Variants in MSANTD5 observed in about 807,000 individuals in gnomAD.
MSANTD5 encodes the protein uncharacterized protein MSANTD5.
chr5:178,701,257 G>A (rs751331992), upstream of MSANTD5, among the ~76,000 whole-genome samples: 9 of 152,184 alleles, frequency 5.9e-5, no homozygotes, highest in African/African-American at 9.6e-5. Flanking sequence ...GATTACATGC[G>A]TGAGCCACGA....
exon 4 of MSANTD5, chr5:178,694,921 G>A (rs1765395374): frequency 6.6e-6 from 1 of 152,138 alleles, no homozygotes; most frequent in South Asian, 2.1e-4. Context: ...GGAGGTGCGA[G>A]GTTAACCACA....
the MSANTD5 span, among the ~76,000 whole-genome samples, chr5:178,704,093 A>C: frequency 6.6e-6 from 1 of 152,202 alleles, no homozygotes; most frequent in African/African-American, 2.4e-5. Context: ...TATATACCCC[A>C]AAAAATTTTT....
the MSANTD5 span, among the ~76,000 whole-genome samples, chr5:178,705,676 G>A: frequency 2.0e-5 from 3 of 152,082 alleles, no homozygotes; most frequent in African/African-American, 7.2e-5. Flanking sequence ...GGTTGTCTTG[G>A]CTGGGCATGG....
downstream of MSANTD5, among the ~76,000 whole-genome samples, chr5:178,693,012 T>TA (rs1263913918): frequency 6.6e-6 from 1 of 151,890 alleles, no homozygotes; most frequent in African/African-American, 2.4e-5. Context: ...AATGTTTCCT[T>TA]AAAAAATAAG....
exon 3 of MSANTD5, chr5:178,695,545 A>G (rs1440537228): frequency 6.6e-6 from 1 of 152,102 alleles, no homozygotes; most frequent in Non-Finnish European, 1.5e-5. Flanking sequence ...AGAAATTCCC[A>G]TTCTTGCAGG....
chr5:178,698,749 C>CTTTTTTTTTT (rs70997624), upstream of MSANTD5, among the ~76,000 whole-genome samples: 2 of 98,796 alleles, frequency 2.0e-5, no homozygotes, highest in Non-Finnish European at 3.9e-5. Flanking sequence ...CATGCTTGGC[C>CTTTTTTTTTT]TTTTTTTTTT....
chr5:178,704,197 T>C, the MSANTD5 span, among the ~76,000 whole-genome samples: 2 of 152,160 alleles, frequency 1.3e-5, no homozygotes, highest in African/African-American at 4.8e-5. Context: ...AATGAAGTCA[T>C]TGGACAAAAG....
chr5:178,693,925 A>T (rs931056), downstream of MSANTD5, among the ~76,000 whole-genome samples: 63,423 of 151,902 alleles, frequency 0.42, 14,145 homozygotes, highest in Admixed American at 0.54. Context: ...CTTAACACAC[A>T]GTGATTATGC....
intron 1 of MSANTD5, among the ~76,000 whole-genome samples, chr5:178,696,623 G>A (rs1274393502): frequency 1.3e-5 from 2 of 152,108 alleles, no homozygotes; most frequent in Admixed American, 6.5e-5. Flanking sequence ...GTGAAGGCAG[G>A]AAACAAGGGT....
chr5:178,703,409 C>A, the MSANTD5 span, among the ~76,000 whole-genome samples: 3 of 152,188 alleles, frequency 2.0e-5, no homozygotes, highest in Non-Finnish European at 4.4e-5. Flanking sequence ...GCCCAGGATT[C>A]TTTCTAGGGC....
upstream of MSANTD5, among the ~76,000 whole-genome samples, chr5:178,699,433 T>TC (rs1554092711): frequency 2.4e-4 from 20 of 82,214 alleles, no homozygotes; most frequent in Middle Eastern, 7.6e-3. Flanking sequence ...TTTCTTTCCT[T>TC]CTTTTTTTTT....
upstream of MSANTD5, among the ~76,000 whole-genome samples, chr5:178,701,013 G>A (rs1313068401): frequency 6.6e-5 from 10 of 152,106 alleles, no homozygotes; most frequent in Non-Finnish European, 1.5e-4. Context: ...TCGCTCTGTC[G>A]CCCAGGCTGG....
upstream of MSANTD5, among the ~76,000 whole-genome samples, chr5:178,700,833 G>A (rs1581735171): frequency 6.6e-6 from 1 of 152,218 alleles, no homozygotes; most frequent in Admixed American, 6.5e-5. Flanking sequence ...GGGGCCTAGG[G>A]CAGGAGATTG....
chr5:178,704,983 C>T, the MSANTD5 span, among the ~76,000 whole-genome samples: 19 of 152,274 alleles, frequency 1.2e-4, no homozygotes, highest in African/African-American at 4.6e-4. Context: ...CAGAAGCCAG[C>T]CCCAATGTCA....
the MSANTD5 span, chr5:178,707,058 TAA>T: frequency 6.6e-6 from 1 of 152,158 alleles, no homozygotes; most frequent in African/African-American, 2.4e-5. Context: ...CTCAGAAAGA[TAA>T]AAGTCACTGC....
the MSANTD5 span, among the ~76,000 whole-genome samples, chr5:178,705,743 G>T: frequency 2.0e-5 from 3 of 152,172 alleles, no homozygotes; most frequent in African/African-American, 7.2e-5. Context: ...GGATCACGAG[G>T]TCAGGAGATC....
chr5:178,699,178 C>T (rs557581089), upstream of MSANTD5, among the ~76,000 whole-genome samples: 1 of 152,116 alleles, frequency 6.6e-6, no homozygotes, highest in African/African-American at 2.4e-5. Context: ...CAGGCTCGAG[C>T]CCTCTGTCTT....
At chr5:178,702,647 G>T (rs1291269523), upstream of MSANTD5, among the ~76,000 whole-genome samples, 1 of 151,676 alleles carries the variant, frequency 6.6e-6, no homozygotes, top group Non-Finnish European at 1.5e-5. Flanking sequence ...GCTCAGACTG[G>T]AGTGCAGTGG....
At chr5:178,706,286 G>A in the MSANTD5 span, among the ~76,000 whole-genome samples, 2 of 152,100 alleles carry the variant, frequency 1.3e-5, no homozygotes, top group Non-Finnish European at 2.9e-5. Context: ...AAATTGCCTA[G>A]CCATAGGTGC....
Sources: allele counts gnomAD v4.1 joint callset (sites outside exome capture counted in the v4.1 genomes callset), GRCh38; gene constraint gnomAD v4.1.1; transcripts MANE v1.5; gene names NCBI Gene and HGNC (gene_info 2026-07-23, HGNC 2026-07-21).